Variants in DOCK9 observed in about 807,000 individuals in gnomAD.
DOCK9 encodes the protein dedicator of cytokinesis 9.
Under a neutral mutation model 263.3 loss-of-function variants are expected in DOCK9, and 89 were observed. The observed-to-expected ratio is 0.34, with a 90% CI of 0.28 to 0.40. The LOEUF (loss-of-function observed/expected upper bound fraction) is 0.40. Ranked by LOEUF, DOCK9 falls within the 10% of genes least tolerant of loss-of-function variation. The probability of loss-of-function intolerance (pLI) is 1.00; values close to 1 mark genes in which losing one functional copy is unlikely to be tolerated. For missense variants in DOCK9, 2,140 were observed against 2,603.4 expected, an observed-to-expected ratio of 0.82 and a Z score of 3.87; for synonymous variants, 976 against 973.1, an observed-to-expected ratio of 1.00 and a Z score of -0.06.
chr13:98,912,916 C>T (rs1418881798), intron 9 of DOCK9, among the ~76,000 whole-genome samples: 1 of 152,046 alleles, frequency 6.6e-6, no homozygotes, highest in Non-Finnish European at 1.5e-5. Flanking sequence ...AATTATGAAC[C>T]CCCAAACATC....
intron 1 of DOCK9, 34 bp downstream of exon 1, chr13:98,977,750 A>G: frequency 6.2e-7 from 1 of 1,605,856 alleles, no homozygotes; most frequent in Non-Finnish European, 8.5e-7. Context: ...AGCATTGGGT[A>G]GACACAGCAA....
At chr13:98,996,955 C>T (rs1881190915) in intron 1 of DOCK9, among the ~76,000 whole-genome samples, 3 of 152,186 alleles carry the variant, frequency 2.0e-5, no homozygotes, top group Admixed American at 2.0e-4. Context: ...TAAGTCCAAT[C>T]GGTACTCATT....
intron 2 of DOCK9, among the ~76,000 whole-genome samples, chr13:98,951,875 CACA>C (rs958864635): frequency 1.3e-5 from 2 of 149,506 alleles, no homozygotes; most frequent in Non-Finnish European, 3.0e-5. Flanking sequence ...CATGGCAGAT[CACA>C]TGTACTTTAC....
intron 15 of DOCK9, among the ~76,000 whole-genome samples, chr13:98,896,448 G>A (rs2139269433): frequency 6.7e-6 from 1 of 148,966 alleles, no homozygotes; most frequent in African/African-American, 2.5e-5. Flanking sequence ...AATCATTCTT[G>A]AGTTCTAGAC....
chr13:98,866,625 C>T (rs997294121), intron 30 of DOCK9, among the ~76,000 whole-genome samples: 1 of 152,162 alleles, frequency 6.6e-6, no homozygotes, highest in South Asian at 2.1e-4. Flanking sequence ...AAAGACATCC[C>T]TATGAGCTCA....
intron 1 of DOCK9, among the ~76,000 whole-genome samples, chr13:98,962,080 TAATAA>T (rs1382501830): frequency 6.6e-6 from 1 of 152,170 alleles, no homozygotes; most frequent in East Asian, 1.9e-4. Flanking sequence ...AAACTCTCAA[TAATAA>T]AATACAAATT....
At chr13:98,953,630 T>G (rs2057695680) in intron 2 of DOCK9, among the ~76,000 whole-genome samples, 2 of 152,370 alleles carry the variant, frequency 1.3e-5, no homozygotes, top group South Asian at 4.1e-4. Flanking sequence ...GAGATAACCT[T>G]TAGCTTCCTC....
intron 1 of DOCK9, among the ~76,000 whole-genome samples, chr13:98,960,274 T>C (rs1263622577): frequency 2.0e-5 from 3 of 152,206 alleles, no homozygotes; most frequent in Admixed American, 2.0e-4. Flanking sequence ...ATCAGCACCA[T>C]CATGTTTGAA....
At chr13:98,920,897 C>T in intron 7 of DOCK9, 57 bp downstream of exon 7, 1 of 1,478,196 alleles carries the variant, frequency 6.8e-7, no homozygotes, top group Non-Finnish European at 9.0e-7. Flanking sequence ...TGCTAATTTA[C>T]ACATAAGCAC....
intron 1 of DOCK9, among the ~76,000 whole-genome samples, chr13:98,966,352 G>T (rs2059194875): frequency 6.6e-6 from 1 of 152,200 alleles, no homozygotes; most frequent in African/African-American, 2.4e-5. Flanking sequence ...GCCTGCAGTG[G>T]GCCCAGCATG....
intron 2 of DOCK9, among the ~76,000 whole-genome samples, chr13:98,939,623 CG>C (rs926927690): frequency 2.0e-5 from 3 of 152,180 alleles, no homozygotes; most frequent in African/African-American, 7.2e-5. Flanking sequence ...GCTCAGGAGA[CG>C]GACGGACCTG....
chr13:98,827,122 T>G (rs9300515), intron 43 of DOCK9, among the ~76,000 whole-genome samples: 54,122 of 152,150 alleles, frequency 0.36, 11,188 homozygotes, highest in East Asian at 0.67. Flanking sequence ...GCTAAGGCTT[T>G]TTTCTATATA....
At chr13:98,803,584 C>T (rs2090362937) in intron 49 of DOCK9, among the ~76,000 whole-genome samples, 1 of 152,178 alleles carries the variant, frequency 6.6e-6, no homozygotes, top group African/African-American at 2.4e-5. Flanking sequence ...CTGGACCAAC[C>T]TTGGGTAACC....
At chr13:98,819,770 G>A (rs1369431822) in intron 45 of DOCK9, among the ~76,000 whole-genome samples, 1 of 152,234 alleles carries the variant, frequency 6.6e-6, no homozygotes, top group East Asian at 1.9e-4. Flanking sequence ...CACCACGCTT[G>A]GATGAGACGT....
chr13:98,903,040 T>C lies in DOCK9; in HGVS notation c.1108A>G (p.Lys370Glu). 3 of 1,542,544 alleles carry C rather than the reference T, an allele frequency of 1.9e-6. No individual in the cohort carries two copies. The highest frequency in any genetic ancestry group is 2.6e-6 in the Non-Finnish European group (3 of 1,143,872). ...EEKFGKRILV[K>E]CNDLSFNLQC... is the part of the protein sequence containing the mutation. ...AAATTGAAAGATAAATCATTGCACT[T>C]GACAAGGATCCTTTTTCCAAACTTC... The change falls in exon 11 of 53, where the codon AAG (lysine) becomes GAG (glutamate). Residue 370 changes from lysine (K) to glutamate (E), a missense_variant. By Grantham distance (56) the Lys-to-Glu change is moderately conservative. Transcript: ENST00000682017.
chr13:98,956,238 G>A (rs2058048842), intron 1 of DOCK9, among the ~76,000 whole-genome samples: 1 of 152,108 alleles, frequency 6.6e-6, no homozygotes, highest in Admixed American at 6.5e-5. Flanking sequence ...GAGTAAGTAG[G>A]GAAGAAGAGA....
At position 98,957,929 on chromosome 13, in the gene DOCK9, T is replaced by TGCACAG. The variant is rs59037163; in HGVS notation, c.127-2384_127-2379dup. ...CTCTTTCATGACAGCCCCAGCTGCC[T>TGCACAG]GCACAGGCACAGGCACAGGCACAGG... On this transcript the variant is annotated intron_variant, in intron 1 of 52. Transcript: ENST00000682017. 2.8e-3 allele frequency among the ~76,000 whole-genome samples: 430 copies of TGCACAG among 151,996 alleles called. 3 individuals carry two copies. Among genetic ancestry groups the TGCACAG allele is most frequent in the African/African-American group, 9.0e-3 (375 of 41,504 alleles).
At chr13:98,866,018 C>G (rs1281265244) in intron 30 of DOCK9, among the ~76,000 whole-genome samples, 3 of 152,088 alleles carry the variant, frequency 2.0e-5, no homozygotes, top group Admixed American at 2.0e-4. Flanking sequence ...GATCAGGGGA[C>G]ACTGAATACC....
chr13:98,927,910 C>A (rs9513511), intron 3 of DOCK9, among the ~76,000 whole-genome samples: 51,306 of 151,422 alleles, frequency 0.34, 9,676 homozygotes, highest in Non-Finnish European at 0.42. Context: ...TGAGCCACTG[C>A]GCCTGGCCAA....
Sources: gnomAD v4.1 joint callset for allele counts (sites outside exome capture counted in the v4.1 genomes callset) on GRCh38, gnomAD v4.1.1 for gene constraint, MANE v1.5 for transcripts, NCBI Gene and HGNC (gene_info 2026-07-23, HGNC 2026-07-21) for gene names.